The following AP1S3 variants were observed in gnomAD, a reference collection of about 807,000 sequenced individuals.
AP1S3 encodes AP-1 complex subunit sigma-3.
AP1S3 carries 10 observed loss-of-function variants against 20.9 expected under a neutral mutation model. The ratio of observed to expected loss-of-function variants is 0.48; its 90% CI spans 0.29 to 0.81. The LOEUF is 0.81. AP1S3 is among the 30% of genes least tolerant of loss of function. AP1S3 has a pLI of 0.08. For synonymous variants in AP1S3, 41 were observed against 61.5 expected (o/e 0.67, Z 1.56); for missense variants, 154 against 183.8 (o/e 0.84, Z 0.94).
chr2:223,771,365 A>G (rs1690621070), intron 3 of AP1S3, among the ~76,000 whole-genome samples: 1 of 152,104 alleles, frequency 6.6e-6, no homozygotes, highest in South Asian at 2.1e-4. Flanking sequence ...AAAATAAAAT[A>G]AAATAATAAA....
intron 1 of AP1S3, among the ~76,000 whole-genome samples, chr2:223,788,428 C>T (rs1691125710): frequency 6.6e-6 from 1 of 151,252 alleles, no homozygotes; most frequent in Admixed American, 6.6e-5. Context: ...GTCTGGCCAA[C>T]ATGGTGACAC....
intron 1 of AP1S3, among the ~76,000 whole-genome samples, chr2:223,835,858 G>A (rs983751528): frequency 3.3e-5 from 5 of 152,160 alleles, no homozygotes; most frequent in African/African-American, 1.2e-4. Context: ...AGCAGCCTTT[G>A]ATGACTCAGA....
chr2:223,767,084 T>C (rs1690503945), intron 3 of AP1S3, among the ~76,000 whole-genome samples: 1 of 152,012 alleles, frequency 6.6e-6, no homozygotes, highest in African/African-American at 2.4e-5. Flanking sequence ...CTAATGTAGA[T>C]GGCAGGTTGA....
chr2:223,834,554 CACTCT>C (rs1303649149), intron 1 of AP1S3, among the ~76,000 whole-genome samples: 1 of 151,976 alleles, frequency 6.6e-6, no homozygotes, highest in Non-Finnish European at 1.5e-5. Flanking sequence ...CATGCTACTG[CACTCT>C]ACTCTGGGTG....
chr2:223,764,541 A>T (rs1690432585), intron 4 of AP1S3, among the ~76,000 whole-genome samples: 1 of 152,152 alleles, frequency 6.6e-6, no homozygotes, highest in African/African-American at 2.4e-5. Context: ...AGTCCAGGGC[A>T]GTACAAAATG....
intron 1 of AP1S3, among the ~76,000 whole-genome samples, chr2:223,821,439 G>A (rs542639291): frequency 1.3e-5 from 2 of 152,308 alleles, no homozygotes; most frequent in African/African-American, 4.8e-5. Context: ...ACAGGCTTAA[G>A]CCACCACACC....
intron 1 of AP1S3, among the ~76,000 whole-genome samples, chr2:223,826,009 C>A (rs1184276363): frequency 6.6e-6 from 1 of 152,184 alleles, no homozygotes; most frequent in Non-Finnish European, 1.5e-5. Flanking sequence ...GAGCAAGACT[C>A]TGTCTCAAAA....
At position 223,757,682 on chromosome 2, in the gene AP1S3, T is replaced by C; in HGVS notation, c.*1033A>G. Reference sequence around the variant, plus strand: ...AAGCACAAATGTGATATACTTACAGTAATAATGGTCAGCAGCAAATCTTTT... The same window carrying C: ...AAGCACAAATGTGATATACTTACAGCAATAATGGTCAGCAGCAAATCTTTT... On this transcript the variant is annotated 3_prime_UTR_variant, in exon 5 of 5. Transcript: ENST00000396654. 1.0e-6 allele frequency: 1 copy of C among 985,262 alleles called. No individual in the cohort carries two copies. Among genetic ancestry groups the C allele is most frequent in the Non-Finnish European group, 1.2e-6 (1 of 829,898 alleles). The allele number at this position is 985,262 out of a possible 1,614,324, so 61.0% of individuals were successfully genotyped here. A position where few individuals can be genotyped will look rare whatever the true frequency, so the allele number is the denominator to read the frequency against.
chr2:223,822,800 A>G (rs984183687), intron 1 of AP1S3, among the ~76,000 whole-genome samples: 5 of 152,188 alleles, frequency 3.3e-5, no homozygotes, highest in African/African-American at 1.2e-4. Context: ...TGAAGACACA[A>G]CCTATGAAAT....
intron 1 of AP1S3, among the ~76,000 whole-genome samples, chr2:223,784,607 C>A (rs1691032233): frequency 6.6e-6 from 1 of 152,154 alleles, no homozygotes. Context: ...AACAACCACC[C>A]ACCCCCAGAC....
At chr2:223,802,502 A>C (rs1472005237) in intron 1 of AP1S3, among the ~76,000 whole-genome samples, 1 of 151,836 alleles carries the variant, frequency 6.6e-6, no homozygotes, top group African/African-American at 2.4e-5. Flanking sequence ...GCAGGGTTTC[A>C]CCATGTTGGC....
intron 1 of AP1S3, among the ~76,000 whole-genome samples, chr2:223,817,112 G>T (rs572423153): frequency 6.6e-6 from 1 of 151,730 alleles, no homozygotes; most frequent in Non-Finnish European, 1.5e-5. Flanking sequence ...ACAACAAAGC[G>T]AGACAACTCT....
intron 1 of AP1S3, among the ~76,000 whole-genome samples, chr2:223,805,780 C>CT (rs1163385687): frequency 1.3e-5 from 2 of 152,100 alleles, no homozygotes; most frequent in African/African-American, 4.8e-5. Flanking sequence ...TTTCCTTTTG[C>CT]TTTATTCTTT....
chr2:223,757,000 T>C lies in AP1S3; in HGVS notation c.*1715A>G. 1 of 984,620 alleles carries C rather than the reference T, an allele frequency of 1.0e-6. No homozygotes were observed. The highest frequency in any genetic ancestry group is 1.2e-6 in the Non-Finnish European group (1 of 829,532). 61.0% of individuals were successfully genotyped at this position (984,620 alleles called of 1,614,324 possible). A position where few individuals can be genotyped will look rare whatever the true frequency, so the allele number is the denominator to read the frequency against. ...GCTTTTACTTTTTCTTTTTTTTTTT[T>C]TTTTTCTTGAGACGCAGTCTTGCTC... On this transcript the variant is annotated 3_prime_UTR_variant, in exon 5 of 5. Transcript: ENST00000396654.
chr2:223,782,313 G>A (rs760194740), intron 1 of AP1S3, among the ~76,000 whole-genome samples: 20 of 152,068 alleles, frequency 1.3e-4, no homozygotes, highest in Non-Finnish European at 2.6e-4. Context: ...GTGCCTGGCC[G>A]CCTTTAAGTC....
At chr2:223,797,113 T>C (rs16865215) in intron 1 of AP1S3, among the ~76,000 whole-genome samples, 2,432 of 152,308 alleles carry the variant, frequency 0.016, 69 homozygotes, top group African/African-American at 0.055. Flanking sequence ...CGCACAGTCA[T>C]AGCACCAGTT....
intron 1 of AP1S3, among the ~76,000 whole-genome samples, chr2:223,787,772 C>A (rs1394000053): frequency 1.3e-5 from 2 of 152,230 alleles, no homozygotes; most frequent in African/African-American, 4.8e-5. Flanking sequence ...ACACAAACTA[C>A]ACCATACGAT....
At chr2:223,832,184 T>TGTGTGTGTGTGTGTGTGTGTG (rs1574736206) in intron 1 of AP1S3, among the ~76,000 whole-genome samples, 1 of 139,652 alleles carries the variant, frequency 7.2e-6, no homozygotes, top group East Asian at 2.1e-4. Flanking sequence ...TGTGTGTGTG[T>TGTGTGTGTGTGTGTGTGTGTG]TGGAAAGGGG....
At chr2:223,796,662 G>A (rs1437982577) in intron 1 of AP1S3, among the ~76,000 whole-genome samples, 2 of 151,872 alleles carry the variant, frequency 1.3e-5, no homozygotes, top group East Asian at 3.9e-4. Flanking sequence ...TATTCTTCTA[G>A]CATCCTTTTT....
Sources: gnomAD v4.1 joint callset for allele counts (sites outside exome capture counted in the v4.1 genomes callset) on GRCh38, gnomAD v4.1.1 for gene constraint, MANE v1.5 for transcripts, NCBI Gene and HGNC (gene_info 2026-07-23, HGNC 2026-07-21) for gene names.